The following TEF variants were observed in gnomAD, a reference collection of about 807,000 sequenced individuals.
TEF encodes TEF transcription factor, PAR bZIP family member, also known as thyrotroph embryonic factor.
In TEF, 3 loss-of-function variants were observed where a neutral mutation model predicts 20.8. The observed-to-expected ratio is 0.14, with a 90% CI of 0.07 to 0.37. The LOEUF (loss-of-function observed/expected upper bound fraction) is 0.37, where lower values mean the gene tolerates loss of function less well. TEF is among the 10% of genes least tolerant of loss of function. The probability of loss-of-function intolerance (pLI) is 1.00; values close to 1 mark genes in which losing one functional copy is unlikely to be tolerated. For missense variants in TEF, 296 were observed against 397.9 expected (o/e 0.74, Z 2.18); for synonymous variants, 180 against 171.1 (o/e 1.05, Z -0.41).
chr22:41,381,111 G>C (rs1448522781), upstream of TEF, among the ~76,000 whole-genome samples: 1 of 152,150 alleles, frequency 6.6e-6, no homozygotes, highest in Admixed American at 6.5e-5. Context: ...GGATGCGTGG[G>C]CAACCCGACA....
chr22:41,388,713 C>T (rs961113253), intron 2 of TEF, among the ~76,000 whole-genome samples: 3 of 152,138 alleles, frequency 2.0e-5, no homozygotes, highest in African/African-American at 7.2e-5. Context: ...CACGAACCTA[C>T]CAAAGGAGAC....
At position 41,398,145 on chromosome 22, in the gene TEF, G is replaced by T. The variant is rs1341213138; in HGVS notation, c.*2185G>T. The T allele has an allele frequency of 6.6e-6, 1 of 152,228 alleles. No individual in the cohort carries two copies. Among genetic ancestry groups the T allele is most frequent in the Non-Finnish European group, 1.5e-5 (1 of 68,068 alleles). 9.4% of individuals were successfully genotyped at this position (152,228 alleles called of 1,614,324 possible). On this transcript the variant is annotated 3_prime_UTR_variant, in exon 4 of 4. Coordinates refer to ENST00000266304, the MANE Select transcript of TEF (RefSeq NM_003216.4). Reference sequence around the variant, plus strand: ...TGCCCCTCTGAGTCAGGAGCCTGGTGGGGACAAGATGGAGGATGTCCACAG... The same window carrying T: ...TGCCCCTCTGAGTCAGGAGCCTGGTTGGGACAAGATGGAGGATGTCCACAG...
upstream of TEF, among the ~76,000 whole-genome samples, chr22:41,380,886 A>G (rs565699720): frequency 6.6e-5 from 10 of 152,274 alleles, no homozygotes; most frequent in Non-Finnish European, 8.8e-5. Flanking sequence ...AAAAGAAGGG[A>G]GAGTTCTAGA....
At chr22:41,394,515 G>A (rs1355453503) in intron 3 of TEF, among the ~76,000 whole-genome samples, 199 bp downstream of exon 3, 1 of 152,210 alleles carries the variant, frequency 6.6e-6, no homozygotes, top group African/African-American at 2.4e-5. Context: ...TGGCCCCAGT[G>A]TGACTCCCTG....
chr22:41,392,459 A>G (rs572682316), intron 2 of TEF, among the ~76,000 whole-genome samples: 1 of 146,966 alleles, frequency 6.8e-6, no homozygotes, highest in East Asian at 2.1e-4. Context: ...GTGGATCACC[A>G]AGTCAGGAGA....
chr22:41,382,773 C>T (rs1350434607), intron 1 of TEF, among the ~76,000 whole-genome samples: 3 of 151,012 alleles, frequency 2.0e-5, no homozygotes, highest in Non-Finnish European at 4.4e-5. Flanking sequence ...GGGGCTTCTG[C>T]TGAGCGGGTG....
In TEF at chr22:41,396,852, C is replaced by T. The variant is rs933947430; in HGVS notation, c.*892C>T. ...TGGATCATAGATTTAAAAGGAAAACCCCTCTTATCTAGGAGGCTTTAACTT... is the reference window on the plus strand; with the variant it reads ...TGGATCATAGATTTAAAAGGAAAACTCCTCTTATCTAGGAGGCTTTAACTT... On this transcript the variant is annotated 3_prime_UTR_variant, in exon 4 of 4. Transcript: ENST00000266304. 21 of 398,108 alleles carry T rather than the reference C, an allele frequency of 5.3e-5. No individual in the cohort carries two copies. The highest frequency in any genetic ancestry group is 2.9e-4 in the African/African-American group (14 of 48,598). The allele number at this position is 398,108 out of a possible 1,614,324, so 24.7% of individuals were successfully genotyped here.
In TEF at chr22:41,398,355, G is replaced by A. The variant is rs905086964; in HGVS notation, c.*2395G>A. The A allele has an allele frequency of 2.0e-5, 3 of 153,742 alleles. No individual in the cohort carries two copies. Among genetic ancestry groups the A allele is most frequent in the Non-Finnish European group, 2.9e-5 (2 of 68,064 alleles). 9.5% of individuals were successfully genotyped at this position (153,742 alleles called of 1,614,324 possible). A position where few individuals can be genotyped will look rare whatever the true frequency, so the allele number is the denominator to read the frequency against. On this transcript the variant is annotated 3_prime_UTR_variant, in exon 4 of 4. Transcript: ENST00000266304. Reference sequence around the variant, plus strand: ...CCGACCGCTGGAGACTGCGGCTCCTGTGCTTGGATCTTTGACATCTGTCAG... The same window carrying A: ...CCGACCGCTGGAGACTGCGGCTCCTATGCTTGGATCTTTGACATCTGTCAG...
At chr22:41,373,747 C>T (rs1016887767) in intron 1 of TEF, among the ~76,000 whole-genome samples, 8 of 148,066 alleles carry the variant, frequency 5.4e-5, no homozygotes, top group Non-Finnish European at 1.0e-4. Flanking sequence ...GGATTACAGT[C>T]GTAAGTCACC....
chr22:41,393,937 T>G (rs1039370025), intron 2 of TEF, among the ~76,000 whole-genome samples, 159 bp from the exon 3 acceptor site: 6 of 152,318 alleles, frequency 3.9e-5, no homozygotes, highest in Non-Finnish European at 8.8e-5. Context: ...TTGAACCGTG[T>G]GCCAGTCTGG....
At chr22:41,389,609 C>CTCCA (rs909558257) in intron 2 of TEF, among the ~76,000 whole-genome samples, 2 of 151,970 alleles carry the variant, frequency 1.3e-5, no homozygotes, top group Non-Finnish European at 2.9e-5. Flanking sequence ...CAGAGCAAGA[C>CTCCA]TCCATCTCAA....
In TEF at chr22:41,368,314, C is replaced by T. The variant is rs1056490497; in HGVS notation, c.67+715C>T. Among the ~76,000 whole-genome samples the T allele has an allele frequency of 3.0e-4, 46 of 152,142 alleles. 1 individual carries two copies. ...GAAGTCAGAGGTCACCCCCAGGTCCCCAGGGCTCCAACTCCTCCTTGCCTT... is the reference window on the plus strand; with the variant it reads ...GAAGTCAGAGGTCACCCCCAGGTCCTCAGGGCTCCAACTCCTCCTTGCCTT... On this transcript the variant is annotated intron_variant, in intron 1 of 3. Coordinates refer to the TEF transcript ENST00000406644.
Position 41,397,251 on chromosome 22 carries a change from C to A in TEF, c.*1291C>A. On this transcript the variant is annotated 3_prime_UTR_variant, in exon 4 of 4. Coordinates refer to ENST00000266304, the MANE Select transcript of TEF (RefSeq NM_003216.4). ...ACTCGTGAGGCTGGCCATGCTGTGG[C>A]TTCTCACAGCTGTGGTCTCCCCTGC... The A allele has an allele frequency of 2.5e-6, 1 of 397,660 alleles. No homozygotes were observed. Among genetic ancestry groups the A allele is most frequent in the Non-Finnish European group, 4.4e-6 (1 of 225,750 alleles). 24.6% of individuals were successfully genotyped at this position (397,660 alleles called of 1,614,324 possible). A position where few individuals can be genotyped will look rare whatever the true frequency, so the allele number is the denominator to read the frequency against.
At chr22:41,388,730 C>G (rs1290518702) in intron 2 of TEF, among the ~76,000 whole-genome samples, 1 of 152,174 alleles carries the variant, frequency 6.6e-6, no homozygotes, top group African/African-American at 2.4e-5. Flanking sequence ...AGACATGGCT[C>G]CTGTTGCAGG....
At chr22:41,380,807 A>G (rs531897544), upstream of TEF, among the ~76,000 whole-genome samples, 211 of 152,264 alleles carry the variant, frequency 1.4e-3, no homozygotes, top group African/African-American at 4.9e-3. Context: ...ATATTTTAAG[A>G]GAGGAGGTGG....
At chr22:41,388,113 C>A (rs2037122066) in intron 2 of TEF, among the ~76,000 whole-genome samples, 1 of 148,938 alleles carries the variant, frequency 6.7e-6, no homozygotes, top group Non-Finnish European at 1.5e-5. Flanking sequence ...TTCTCTGCCT[C>A]AGCCTCCTGA....
intron 3 of TEF, among the ~76,000 whole-genome samples, 182 bp downstream of exon 3, chr22:41,394,498 T>G (rs1448532355): frequency 6.6e-6 from 1 of 152,202 alleles, no homozygotes; most frequent in Non-Finnish European, 1.5e-5. Context: ...GGGAGTCATG[T>G]GGCATTTGGC....
chr22:41,380,858 G>A (rs2037008367), upstream of TEF, among the ~76,000 whole-genome samples: 1 of 152,164 alleles, frequency 6.6e-6, no homozygotes, highest in Admixed American at 6.5e-5. Context: ...GTGTCAAGGA[G>A]GTTTTTGTTT....
chr22:41,373,654 G>C (rs920096817), intron 1 of TEF, among the ~76,000 whole-genome samples: 2 of 151,854 alleles, frequency 1.3e-5, no homozygotes, highest in African/African-American at 4.8e-5. Flanking sequence ...ATTTTTAGTA[G>C]AGACGAGGTG....
Sources: allele counts gnomAD v4.1 joint callset (sites outside exome capture counted in the v4.1 genomes callset), GRCh38; gene constraint gnomAD v4.1.1; transcripts MANE v1.5; gene names NCBI Gene and HGNC (gene_info 2026-07-23, HGNC 2026-07-21).